The following PDE10A variants were observed in gnomAD, a reference collection of about 807,000 sequenced individuals.
The protein encoded by PDE10A is phosphodiesterase 10A.
In PDE10A, 39 loss-of-function variants were observed where a neutral mutation model predicts 97.7. That is an observed-to-expected ratio of 0.40 (90% CI 0.31 to 0.52). The LOEUF is 0.52. PDE10A is among the 20% of genes least tolerant of loss of function. The pLI is 0.56. For synonymous variants in PDE10A, 371 were observed against 376.8 expected, an observed-to-expected ratio of 0.98 and a Z score of 0.18; for missense variants, 731 against 1,047.8, an observed-to-expected ratio of 0.70 and a Z score of 4.17.
chr6:165,792,028 C>T (rs2128463712), intron 1 of PDE10A, among the ~76,000 whole-genome samples: 1 of 152,292 alleles, frequency 6.6e-6, no homozygotes, highest in African/African-American at 2.4e-5. Flanking sequence ...CTGCATCAGG[C>T]CCCCGCACGC....
chr6:165,854,317 C>A (rs1342960927), intron 1 of PDE10A, among the ~76,000 whole-genome samples: 3 of 152,124 alleles, frequency 2.0e-5, no homozygotes, highest in South Asian at 2.1e-4. Flanking sequence ...CAGGAGGGAG[C>A]GCCTGGCACA....
Position 165,330,560 on chromosome 6 carries a change from C to T in PDE10A, c.*2465G>A, listed in dbSNP as rs1781285130. The T allele has an allele frequency of 6.6e-6, 1 of 152,120 alleles. No homozygotes were observed. Among genetic ancestry groups the T allele is most frequent in the Admixed American group, 6.5e-5 (1 of 15,284 alleles). 9.4% of individuals were successfully genotyped at this position (152,120 alleles called of 1,614,324 possible). A position where few individuals can be genotyped will look rare whatever the true frequency, so the allele number is the denominator to read the frequency against. On this transcript the variant is annotated 3_prime_UTR_variant, in exon 22 of 22. Transcript: ENST00000539869. ...AATTCAGTCTTTTGTTCAAGCTGTGCTTCTATTATGACAATATTTCACAAG... is the reference window on the plus strand; with the variant it reads ...AATTCAGTCTTTTGTTCAAGCTGTGTTTCTATTATGACAATATTTCACAAG...
intron 6 of PDE10A, among the ~76,000 whole-genome samples, chr6:165,433,679 T>C (rs1789764208): frequency 1.3e-5 from 2 of 152,086 alleles, no homozygotes; most frequent in African/African-American, 4.8e-5. Flanking sequence ...ATGAAATTGG[T>C]TCTTTGATTT....
intron 1 of PDE10A, among the ~76,000 whole-genome samples, chr6:165,614,622 G>A (rs1787642155): frequency 6.6e-6 from 1 of 152,114 alleles, no homozygotes; most frequent in South Asian, 2.1e-4. Flanking sequence ...CCTGCATTAA[G>A]TGTTCTCATT....
At chr6:165,689,045 G>A (rs1203051727) in intron 1 of PDE10A, among the ~76,000 whole-genome samples, 4 of 152,210 alleles carry the variant, frequency 2.6e-5, no homozygotes, top group Non-Finnish European at 5.9e-5. Context: ...CATTGGCACG[G>A]CTTATGCAGG....
chr6:165,785,849 T>C (rs1441760032), intron 1 of PDE10A, among the ~76,000 whole-genome samples: 2 of 152,206 alleles, frequency 1.3e-5, no homozygotes, highest in Non-Finnish European at 2.9e-5. Flanking sequence ...CCAGATTCTG[T>C]ATTTCAACAA....
chr6:165,458,282 T>C (rs2128255398), intron 3 of PDE10A, among the ~76,000 whole-genome samples: 1 of 152,288 alleles, frequency 6.6e-6, no homozygotes, highest in East Asian at 1.9e-4. Context: ...CTAAAATTCC[T>C]ACGCTGAAAT....
chr6:165,960,870 G>T (rs544816040), intron 1 of PDE10A, among the ~76,000 whole-genome samples: 4 of 152,288 alleles, frequency 2.6e-5, no homozygotes, highest in Non-Finnish European at 1.5e-5. Flanking sequence ...TGGGCAGGGA[G>T]TGAGGGAGGC....
chr6:165,803,564 G>A (rs967179405), intron 1 of PDE10A, among the ~76,000 whole-genome samples: 1 of 152,194 alleles, frequency 6.6e-6, no homozygotes, highest in African/African-American at 2.4e-5. Context: ...AATGAGTCCT[G>A]TTCATCTTTC....
chr6:165,524,557 T>C (rs957326943), intron 2 of PDE10A, among the ~76,000 whole-genome samples: 4 of 152,188 alleles, frequency 2.6e-5, no homozygotes, highest in African/African-American at 9.7e-5. Context: ...GTTGGTTGGT[T>C]GCTCCTAAGT....
At chr6:165,622,436 A>C (rs1438242007) in intron 1 of PDE10A, among the ~76,000 whole-genome samples, 2 of 152,212 alleles carry the variant, frequency 1.3e-5, no homozygotes, top group East Asian at 3.9e-4. Context: ...TTTATGCTAT[A>C]GACTACTGCT....
chr6:165,366,839 G>A (rs891171420), intron 18 of PDE10A, among the ~76,000 whole-genome samples: 1 of 152,126 alleles, frequency 6.6e-6, no homozygotes, highest in African/African-American at 2.4e-5. Flanking sequence ...CATATATTTA[G>A]GATGATTGAT....
At chr6:165,534,045 G>A (rs1782936576) in intron 2 of PDE10A, among the ~76,000 whole-genome samples, 1 of 151,888 alleles carries the variant, frequency 6.6e-6, no homozygotes. Flanking sequence ...TTTTATGGTG[G>A]TATGCTCATA....
At chr6:165,674,209 A>G (rs370662216) in intron 1 of PDE10A, among the ~76,000 whole-genome samples, 1 of 152,132 alleles carries the variant, frequency 6.6e-6, no homozygotes, top group Non-Finnish European at 1.5e-5. Context: ...CATCTTTAAA[A>G]TGGAAGCATG....
intron 7 of PDE10A, 149 bp from the exon 8 acceptor site, chr6:165,431,621 C>T (rs930134872): frequency 1.6e-4 from 39 of 240,082 alleles, no homozygotes; most frequent in African/African-American, 8.5e-4. Flanking sequence ...TCATACATAA[C>T]ATATATATAT....
chr6:165,729,530 A>C lies in PDE10A; in HGVS notation c.-614-185962T>G, dbSNP rs181990358. 4.6e-3 allele frequency among the ~76,000 whole-genome samples: 707 copies of C among 152,272 alleles called. 7 individuals carry two copies. Among genetic ancestry groups the C allele is most frequent in the African/African-American group, 0.016 (680 of 41,542 alleles). On this transcript the variant is annotated intron_variant, in intron 1 of 19. Coordinates refer to the PDE10A transcript ENST00000366882. ...GGGGCAGCAACCCAAAATTCACCCAATTTGGGCACTTGGATGGGTGACCCC... is the reference window on the plus strand; with the variant it reads ...GGGGCAGCAACCCAAAATTCACCCACTTTGGGCACTTGGATGGGTGACCCC...
chr6:165,592,957 C>T (rs534373329), intron 1 of PDE10A, among the ~76,000 whole-genome samples: 6 of 152,196 alleles, frequency 3.9e-5, no homozygotes, highest in East Asian at 3.9e-4. Flanking sequence ...GGGTATATAC[C>T]CAAAGGATTA....
intron 10 of PDE10A, among the ~76,000 whole-genome samples, chr6:165,424,948 C>T (rs770793672): frequency 9.8e-4 from 149 of 152,066 alleles, no homozygotes; most frequent in Middle Eastern, 3.4e-3. Flanking sequence ...GGACCCACAA[C>T]AAATATACAT....
At chr6:165,955,493 G>A (rs1234896171) in intron 1 of PDE10A, among the ~76,000 whole-genome samples, 6 of 152,126 alleles carry the variant, frequency 3.9e-5, no homozygotes, top group African/African-American at 1.4e-4. Flanking sequence ...TGACATGGGA[G>A]CTTAGCGTCT....
Sources: gnomAD v4.1 joint callset for allele counts (sites outside exome capture counted in the v4.1 genomes callset) on GRCh38, gnomAD v4.1.1 for gene constraint, MANE v1.5 for transcripts, NCBI Gene and HGNC (gene_info 2026-07-23, HGNC 2026-07-21) for gene names.